Variants in RNF166 observed in about 807,000 individuals in gnomAD.
RNF166 encodes the protein ring finger protein 166.
A neutral mutation model predicts 29.4 loss-of-function variants in RNF166; 19 were observed. The observed-to-expected ratio is 0.65, with a 90% CI of 0.45 to 0.95. The LOEUF (loss-of-function observed/expected upper bound fraction) is 0.95. Among genes scored for constraint, RNF166 ranks in the 40% least tolerant of loss-of-function variants. RNF166 has a pLI of 0.00. For missense variants in RNF166, 347 were observed against 322.1 expected, an observed-to-expected ratio of 1.08 and a Z score of -0.59; for synonymous variants, 171 against 134.5, an observed-to-expected ratio of 1.27 and a Z score of -1.88.
chr16:88,697,361 G>C lies in RNF166; in HGVS notation c.*207C>G. On this transcript the variant is annotated 3_prime_UTR_variant, in exon 6 of 6. Transcript: ENST00000312838. Reference sequence around the variant, plus strand: ...AAGCACCGAAGAACCCAGCGACGCCGGTGGGACCAGGCGGCCCTGCTCTGG... The same window carrying C: ...AAGCACCGAAGAACCCAGCGACGCCCGTGGGACCAGGCGGCCCTGCTCTGG... The C allele has an allele frequency of 2.1e-6, 1 of 476,934 alleles. No individual in the cohort carries two copies. Among genetic ancestry groups the C allele is most frequent in the Non-Finnish European group, 3.8e-6 (1 of 264,086 alleles). 29.5% of individuals were successfully genotyped at this position (476,934 alleles called of 1,614,324 possible).
At chr16:88,702,252 G>A (rs1315626737) in intron 1 of RNF166, among the ~76,000 whole-genome samples, 1 of 152,176 alleles carries the variant, frequency 6.6e-6, no homozygotes, top group Admixed American at 6.5e-5. Context: ...CAGAGAAGGA[G>A]CTTAATACTG....
At chr16:88,699,198 G>C in intron 3 of RNF166, 113 bp from the exon 4 acceptor site, 1 of 788,434 alleles carries the variant, frequency 1.3e-6, no homozygotes, top group Non-Finnish European at 2.1e-6. Flanking sequence ...GGCTGCAAGA[G>C]CGTGGCAGTG....
chr16:88,703,109 C>T (rs1029233752), intron 1 of RNF166: 37 of 985,558 alleles, frequency 3.8e-5, no homozygotes, highest in Admixed American at 1.2e-4. Context: ...AAGCACGTCC[C>T]ACCCGTGTCG....
Position 88,704,665 on chromosome 16 carries a change from CA to C in RNF166, c.155+1505del, listed in dbSNP as rs146609887. Among the ~76,000 whole-genome samples, 1,321 of 152,288 alleles carry C rather than the reference CA, an allele frequency of 8.7e-3. 20 individuals carry two copies. Among genetic ancestry groups the C allele is most frequent in the African/African-American group, 0.03 (1,227 of 41,564 alleles). On this transcript the variant is annotated intron_variant, in intron 1 of 5. Transcript: ENST00000312838. ...CAGTAACAGATGAGAAGGTGCGGAA[CA>C]CACCTTCAAACACCCGCTACCTGCT... is the stretch of plus-strand genomic sequence containing the variant.
intron 1 of RNF166, chr16:88,704,417 G>C: frequency 1.0e-6 from 1 of 985,398 alleles, no homozygotes; most frequent in Non-Finnish European, 1.2e-6. Flanking sequence ...TGGCAGAGGG[G>C]AGTTTTATAG....
rs1011791643 is a variant in RNF166 at position 88,697,326 on chromosome 16, G to C, written c.*242C>G. On this transcript the variant is annotated 3_prime_UTR_variant, in exon 6 of 6. Coordinates refer to ENST00000312838, the MANE Select transcript of RNF166 (RefSeq NM_178841.4). The stretch of plus-strand genomic sequence containing the variant: ...CCAGCCCTGCCCAAGTAGGCCGCCT[G>C]CTCGGCCAGAAGCACCGAAGAACCC... 4 of 411,052 alleles carry C rather than the reference G, an allele frequency of 9.7e-6. No homozygotes were observed. Among genetic ancestry groups the C allele is most frequent in the Non-Finnish European group, 1.3e-5 (3 of 225,740 alleles). The allele number at this position is 411,052 out of a possible 1,614,324, so 25.5% of individuals were successfully genotyped here.
chr16:88,699,091 G>A lies in RNF166; in HGVS notation c.426-6C>T, dbSNP rs758107212. 23 of 1,589,386 alleles carry A rather than the reference G, an allele frequency of 1.4e-5. No homozygotes were observed. The highest frequency in any genetic ancestry group is 1.8e-5 in the Non-Finnish European group (21 of 1,164,558). On this transcript the variant is annotated splice_polypyrimidine_tract_variant and splice_region_variant and intron_variant, in intron 3 of 5. Coordinates refer to ENST00000312838, the MANE Select transcript of RNF166 (RefSeq NM_178841.4). ...TGGACCTGTTGGGGATGTTGCTGGC[G>A]GGGCGGGGGTAGAGTGAGTGGCACG...
In RNF166 at chr16:88,697,449, G is replaced by A; in HGVS notation, c.*119C>T. ...TCGGCCCCGGCTCCCCTTCTGCGCG[G>A]GTGCAGGCTCCTCCTGTGAGCTCAG... On this transcript the variant is annotated 3_prime_UTR_variant, in exon 6 of 6. Coordinates refer to ENST00000312838, the MANE Select transcript of RNF166 (RefSeq NM_178841.4). 1.4e-6 allele frequency: 1 copy of A among 723,940 alleles called. No individual in the cohort carries two copies. Among genetic ancestry groups the A allele is most frequent in the South Asian group, 1.8e-5 (1 of 55,010 alleles). The allele number at this position is 723,940 out of a possible 1,614,324, so 44.8% of individuals were successfully genotyped here. A position where few individuals can be genotyped will look rare whatever the true frequency, so the allele number is the denominator to read the frequency against.
chr16:88,699,561 T>C, intron 3 of RNF166, 59 bp downstream of exon 3: 1 of 1,383,288 alleles, frequency 7.2e-7, no homozygotes, highest in Non-Finnish European at 1.0e-6. Flanking sequence ...CTGCGCTTGC[T>C]CCCAGAACGA....
At chr16:88,698,187 C>G (rs565432995) in intron 5 of RNF166, 1 of 609,302 alleles carries the variant, frequency 1.6e-6, no homozygotes, top group Non-Finnish European at 2.9e-6. Context: ...TTCCCGCGCT[C>G]TCTAGAAAGC....
chr16:88,703,659 C>T (rs1045200629), intron 1 of RNF166: 17 of 985,402 alleles, frequency 1.7e-5, no homozygotes, highest in East Asian at 1.1e-4. Context: ...CTGCGCCCAC[C>T]CAGGGGCTGG....
intron 1 of RNF166, among the ~76,000 whole-genome samples, chr16:88,702,279 C>T (rs1229914917): frequency 2.0e-5 from 3 of 152,208 alleles, no homozygotes. Context: ...CCACATCTGG[C>T]CTTGTGAGGA....
Position 88,696,672 on chromosome 16 carries a change from G to C in RNF166, c.*896C>G, listed in dbSNP as rs1399706468. ...CCGTCCCCTCCCGCAGCGGGGCACAGTCAGCTTTGAAGGTGACAGCGGGCC... is the reference window on the plus strand; with the variant it reads ...CCGTCCCCTCCCGCAGCGGGGCACACTCAGCTTTGAAGGTGACAGCGGGCC... On this transcript the variant is annotated 3_prime_UTR_variant, in exon 6 of 6. Transcript: ENST00000312838. 1 of 438,644 alleles carries C rather than the reference G, an allele frequency of 2.3e-6. No individual in the cohort carries two copies. The allele number at this position is 438,644 out of a possible 1,614,324, so 27.2% of individuals were successfully genotyped here. A position where few individuals can be genotyped will look rare whatever the true frequency, so the allele number is the denominator to read the frequency against.
Position 88,701,412 on chromosome 16 carries a change from G to A in RNF166, c.162C>T (p.Cys54=), listed in dbSNP as rs773736959. ...VAIGSCGHTF[C]GECLQPCLQV... is the part of the protein sequence containing the mutation. ...GCAGGCAGGGCTGGAGACACTCCCC[G>A]CAGAACCTGCAGGGCACAGGGGCCT... is the stretch of plus-strand genomic sequence containing the variant. Residue 54 remains cysteine (C), a synonymous_variant, in exon 2 of 6, where the codon TGC becomes TGT. Transcript: ENST00000312838. The A allele has an allele frequency of 1.1e-5, 17 of 1,590,416 alleles. No individual in the cohort carries two copies. The highest frequency in any genetic ancestry group is 4.5e-5 in the East Asian group (2 of 44,710).
chr16:88,702,106 G>A (rs1253777231), intron 1 of RNF166, among the ~76,000 whole-genome samples: 5 of 150,932 alleles, frequency 3.3e-5, no homozygotes, highest in Admixed American at 1.3e-4. Context: ...CCACAGCCCC[G>A]TGCGCACTCC....
chr16:88,702,603 T>C (rs1243140079), intron 1 of RNF166, among the ~76,000 whole-genome samples: 2 of 152,198 alleles, frequency 1.3e-5, no homozygotes, highest in Non-Finnish European at 2.9e-5. Context: ...AAGTCCCTCC[T>C]GCTGTCCCCC....
In RNF166 at chr16:88,701,310, C is replaced by T. The variant is rs562005208; in HGVS notation, c.264G>A (p.Glu88=). 4 of 1,613,782 alleles carry T rather than the reference C, an allele frequency of 2.5e-6. No individual in the cohort carries two copies. In the African/African-American group the frequency reaches 5.3e-5, roughly 21 times the overall value. ...PKKVDKATHV[E]KQLSSYKAPC... is the part of the protein sequence containing the mutation. ...GCGCTTTGTAGGATGAGAGCTGCTT[C>T]TCCACGTGGGTGGCCTTGTCCACCT... The change falls in exon 2 of 6, where the codon GAG becomes GAA. Residue 88 remains glutamate, a synonymous_variant. Coordinates refer to ENST00000312838, the MANE Select transcript of RNF166 (RefSeq NM_178841.4).
chr16:88,701,114 C>G (rs535852260), intron 2 of RNF166, 148 bp downstream of exon 2: 22 of 1,258,634 alleles, frequency 1.7e-5, no homozygotes, highest in Non-Finnish European at 2.4e-5. Flanking sequence ...AGGGAGGCGC[C>G]GGGGCTGGCT....
At chr16:88,702,068 A>G (rs1286502811) in intron 1 of RNF166, among the ~76,000 whole-genome samples, 1 of 151,992 alleles carries the variant, frequency 6.6e-6, no homozygotes, top group Non-Finnish European at 1.5e-5. Flanking sequence ...CCCTGGGGAC[A>G]CCACATCGTG....
Sources: gnomAD v4.1 joint callset for allele counts (sites outside exome capture counted in the v4.1 genomes callset) on GRCh38, gnomAD v4.1.1 for gene constraint, MANE v1.5 for transcripts, NCBI Gene and HGNC (gene_info 2026-07-23, HGNC 2026-07-21) for gene names.